The following ACOXL variants were observed in gnomAD, a reference collection of about 807,000 sequenced individuals.
ACOXL encodes acyl-coenzyme A oxidase-like protein.
In ACOXL, 70 loss-of-function variants were observed where a neutral mutation model predicts 71.9. The ratio of observed to expected loss-of-function variants is 0.97; its 90% CI spans 0.80 to 1.19. The LOEUF (loss-of-function observed/expected upper bound fraction) is 1.19. Among genes scored for constraint, ACOXL ranks in the 50% most tolerant of loss-of-function variants. ACOXL has a pLI of 0.00. For synonymous variants in ACOXL, 253 were observed against 281.6 expected (o/e 0.90, Z 1.02); for missense variants, 703 against 736.3 (o/e 0.95, Z 0.52).
intron 1 of ACOXL, among the ~76,000 whole-genome samples, chr2:110,738,278 A>G (rs2104670786): frequency 6.6e-6 from 1 of 152,346 alleles, no homozygotes; most frequent in South Asian, 2.1e-4. Context: ...TCCTGTCCAC[A>G]TTCCATGGAA....
chr2:110,965,245 T>G (rs1372090246), intron 12 of ACOXL, among the ~76,000 whole-genome samples: 6 of 152,214 alleles, frequency 3.9e-5, no homozygotes, highest in Non-Finnish European at 7.3e-5. Context: ...TTTAGGTTGA[T>G]TCCACATCTT....
At chr2:110,853,866 CT>C (rs200608406) in intron 10 of ACOXL, among the ~76,000 whole-genome samples, 1 of 150,798 alleles carries the variant, frequency 6.6e-6, no homozygotes, top group African/African-American at 2.4e-5. Flanking sequence ...CTCTCCTCTC[CT>C]TTTTTTTAAT....
chr2:111,109,020 A>G (rs1167558112), intron 17 of ACOXL, among the ~76,000 whole-genome samples: 1 of 152,114 alleles, frequency 6.6e-6, no homozygotes, highest in Non-Finnish European at 1.5e-5. Context: ...CTGTCCTCCC[A>G]AATGCTCATC....
chr2:110,763,951 A>T (rs1219466759), intron 1 of ACOXL, among the ~76,000 whole-genome samples: 1 of 152,240 alleles, frequency 6.6e-6, no homozygotes, highest in Admixed American at 6.5e-5. Context: ...AATGCTCAAC[A>T]TCATATGTCA....
intron 12 of ACOXL, among the ~76,000 whole-genome samples, chr2:110,966,066 C>T (rs973963767): frequency 2.0e-5 from 3 of 152,180 alleles, no homozygotes; most frequent in Non-Finnish European, 2.9e-5. Context: ...ATTTCTGCCT[C>T]GCTGGGAGCT....
chr2:110,796,523 T>C (rs1402509634), intron 5 of ACOXL, among the ~76,000 whole-genome samples: 2 of 152,110 alleles, frequency 1.3e-5, no homozygotes, highest in African/African-American at 4.8e-5. Flanking sequence ...TTTCCCAGAG[T>C]GTAGCAAATG....
intron 2 of ACOXL, among the ~76,000 whole-genome samples, chr2:110,770,295 G>A (rs1356298221): frequency 1.3e-5 from 2 of 152,172 alleles, no homozygotes; most frequent in African/African-American, 2.4e-5. Context: ...GAGCTAGTGG[G>A]GGCCTGGGAT....
intron 2 of ACOXL, among the ~76,000 whole-genome samples, chr2:110,776,685 G>C (rs947640178): frequency 6.6e-6 from 1 of 151,880 alleles, no homozygotes; most frequent in Non-Finnish European, 1.5e-5. Flanking sequence ...GGAGAGAGGT[G>C]GTGACAACCA....
intron 16 of ACOXL, among the ~76,000 whole-genome samples, chr2:111,070,779 A>G (rs1461003091): frequency 6.6e-6 from 1 of 152,014 alleles, no homozygotes; most frequent in Non-Finnish European, 1.5e-5. Context: ...CGGCCAGGAT[A>G]CAGCTATGTT....
chr2:110,891,187 C>T (rs764838054), intron 10 of ACOXL, among the ~76,000 whole-genome samples: 1 of 151,852 alleles, frequency 6.6e-6, no homozygotes, highest in Non-Finnish European at 1.5e-5. Flanking sequence ...TTTGGATTTT[C>T]TATATACAAG....
intron 2 of ACOXL, among the ~76,000 whole-genome samples, chr2:110,775,947 C>T (rs1682578584): frequency 6.6e-6 from 1 of 152,204 alleles, no homozygotes; most frequent in Admixed American, 6.5e-5. Flanking sequence ...GCTCAGAGAG[C>T]TATTTGCATG....
intron 16 of ACOXL, among the ~76,000 whole-genome samples, chr2:111,050,835 G>T (rs2066255106): frequency 1.3e-5 from 2 of 152,208 alleles, no homozygotes. Flanking sequence ...TTCACATCTA[G>T]AGTGAGAGGT....
At chr2:110,981,452 A>G (rs2062704959) in intron 12 of ACOXL, among the ~76,000 whole-genome samples, 1 of 152,174 alleles carries the variant, frequency 6.6e-6, no homozygotes. Flanking sequence ...TGGTTGTATT[A>G]TTGGACCATG....
chr2:110,733,770 C>G (rs950515303), intron 1 of ACOXL, among the ~76,000 whole-genome samples: 2 of 152,020 alleles, frequency 1.3e-5, no homozygotes, highest in Non-Finnish European at 2.9e-5. Flanking sequence ...GTGGGTATAT[C>G]CATCAGTGTC....
intron 1 of ACOXL, among the ~76,000 whole-genome samples, chr2:110,752,444 C>A (rs1411317765): frequency 1.3e-5 from 2 of 151,764 alleles, no homozygotes; most frequent in African/African-American, 2.4e-5. Context: ...CATAATGAGA[C>A]CCTGTCTCAA....
chr2:110,917,514 C>T (rs2059909187), intron 11 of ACOXL, among the ~76,000 whole-genome samples: 1 of 152,242 alleles, frequency 6.6e-6, no homozygotes. Flanking sequence ...TGCCCTCTCT[C>T]ACCACTCCTA....
At chr2:110,804,488 A>G (rs1025561197) in intron 8 of ACOXL, among the ~76,000 whole-genome samples, 7 of 152,232 alleles carry the variant, frequency 4.6e-5, no homozygotes, top group Admixed American at 1.3e-4. Flanking sequence ...AACGTTGTCT[A>G]CAAGAGAAAT....
At chr2:110,743,075 T>C (rs1440083393) in intron 1 of ACOXL, among the ~76,000 whole-genome samples, 3 of 152,214 alleles carry the variant, frequency 2.0e-5, no homozygotes, top group African/African-American at 2.4e-5. Flanking sequence ...ACCCTTCACT[T>C]ATTTCCCTGG....
At chr2:110,907,364 G>A (rs2059491531) in intron 10 of ACOXL, among the ~76,000 whole-genome samples, 1 of 152,198 alleles carries the variant, frequency 6.6e-6, no homozygotes, top group South Asian at 2.1e-4. Flanking sequence ...GCTTCAATAT[G>A]TGAATTCTGG....
Sources: allele counts gnomAD v4.1 joint callset (sites outside exome capture counted in the v4.1 genomes callset), GRCh38; gene constraint gnomAD v4.1.1; transcripts MANE v1.5; gene names NCBI Gene and HGNC (gene_info 2026-07-23, HGNC 2026-07-21).